The following TLCD4 variants were observed in gnomAD, a reference collection of about 807,000 sequenced individuals.
TLCD4 encodes TLC domain-containing protein 4.
A neutral mutation model predicts 24.2 loss-of-function variants in TLCD4; 7 were observed. The ratio of observed to expected loss-of-function variants is 0.29; its 90% confidence interval spans 0.16 to 0.54. The LOEUF (loss-of-function observed/expected upper bound fraction) is 0.54, where lower values mean the gene tolerates loss of function less well. TLCD4 is among the 20% of genes least tolerant of loss of function. The probability of loss-of-function intolerance (pLI) is 0.95; values close to 1 mark genes in which losing one functional copy is unlikely to be tolerated. For synonymous variants in TLCD4, 103 were observed against 106.4 expected, an observed-to-expected ratio of 0.97 and a Z score of 0.20; for missense variants, 259 against 313.9, an observed-to-expected ratio of 0.82 and a Z score of 1.32.
intron 1 of TLCD4, among the ~76,000 whole-genome samples, chr1:95,119,961 G>T (rs1209543611): frequency 2.0e-5 from 3 of 152,184 alleles, no homozygotes; most frequent in Non-Finnish European, 4.4e-5. Flanking sequence ...TGTTAAGGAA[G>T]ATAATGAATT....
upstream of TLCD4, among the ~76,000 whole-genome samples, chr1:95,113,335 C>T (rs1676374286): frequency 6.6e-6 from 1 of 152,148 alleles, no homozygotes; most frequent in Admixed American, 6.6e-5. Flanking sequence ...CATGAACCAC[C>T]ACACCTGGCC....
chr1:95,186,496 G>T (rs1283750911), intron 6 of TLCD4, among the ~76,000 whole-genome samples: 1 of 152,198 alleles, frequency 6.6e-6, no homozygotes, highest in African/African-American at 2.4e-5. Context: ...CTGATAGAGA[G>T]AGATTTGAGG....
intron 5 of TLCD4, among the ~76,000 whole-genome samples, chr1:95,159,747 A>G (rs959440330): frequency 1.3e-5 from 2 of 152,180 alleles, no homozygotes; most frequent in African/African-American, 2.4e-5. Flanking sequence ...TCCCAGCACC[A>G]TTTATTAAAT....
chr1:95,160,111 C>G (rs1276768305), intron 5 of TLCD4, among the ~76,000 whole-genome samples: 1 of 152,186 alleles, frequency 6.6e-6, no homozygotes, highest in Non-Finnish European at 1.5e-5. Context: ...TGGCCATTTT[C>G]ACGATATTGA....
intron 6 of TLCD4, among the ~76,000 whole-genome samples, chr1:95,178,580 T>C (rs2101002702): frequency 6.8e-6 from 1 of 147,866 alleles, no homozygotes; most frequent in African/African-American, 2.5e-5. Flanking sequence ...TTTTTTTTTT[T>C]TTTTTTGAGA....
chr1:95,165,337 T>A (rs1677977937), intron 5 of TLCD4: 1 of 152,256 alleles, frequency 6.6e-6, no homozygotes, highest in Non-Finnish European at 1.5e-5. Context: ...TATTGTTATG[T>A]GTTTCAGTGT....
intron 5 of TLCD4, among the ~76,000 whole-genome samples, chr1:95,168,016 C>T (rs1303452717): frequency 6.6e-6 from 1 of 152,164 alleles, no homozygotes; most frequent in Non-Finnish European, 1.5e-5. Context: ...GGGACCATCA[C>T]CCCAACAGTA....
At chr1:95,148,937 T>C (rs191849720) in intron 3 of TLCD4, 146 bp downstream of exon 3, 151 of 1,151,778 alleles carry the variant, frequency 1.3e-4, no homozygotes, top group Admixed American at 4.0e-4. Context: ...TCTAGCAAAG[T>C]GCATTTAAAT....
chr1:95,105,150 T>C, the TLCD4 span, among the ~76,000 whole-genome samples: 1 of 152,184 alleles, frequency 6.6e-6, no homozygotes, highest in South Asian at 2.1e-4. Flanking sequence ...AGTATAATTG[T>C]ACCACATATC....
intron 5 of TLCD4, among the ~76,000 whole-genome samples, chr1:95,162,602 G>C (rs953150539): frequency 3.3e-5 from 5 of 152,188 alleles, no homozygotes; most frequent in African/African-American, 1.2e-4. Flanking sequence ...AGCATCGATG[G>C]TCTTTACAAT....
intron 1 of TLCD4, among the ~76,000 whole-genome samples, chr1:95,127,592 A>G (rs1484867273): frequency 6.6e-6 from 1 of 152,238 alleles, no homozygotes; most frequent in Non-Finnish European, 1.5e-5. Flanking sequence ...GGAAGGGAAG[A>G]GCAGTGATAT....
In TLCD4 at chr1:95,161,595, G is replaced by A. The variant is rs148728783; in HGVS notation, c.399+10176G>A. 2.4e-3 allele frequency among the ~76,000 whole-genome samples: 368 copies of A among 152,232 alleles called. 1 individual carries two copies. Among genetic ancestry groups the A allele is most frequent in the African/African-American group, 8.5e-3 (352 of 41,518 alleles). ...TCTAGTTCTTTTAATTGTGATGTTAGGGTGTCAATTTTAGATCTTTCCTGC... is the reference window on the plus strand; with the variant it reads ...TCTAGTTCTTTTAATTGTGATGTTAAGGTGTCAATTTTAGATCTTTCCTGC... On this transcript the variant is annotated intron_variant, in intron 5 of 6. Transcript: ENST00000370203.
In TLCD4 at chr1:95,148,469, C is replaced by T. The variant is rs114735771; in HGVS notation, c.156-233C>T. ...AATAAGTGATTCACCAGTTCTCTAGCAGGAAATTGTAGGCCTTGGTATCTT... is the reference window on the plus strand; with the variant it reads ...AATAAGTGATTCACCAGTTCTCTAGTAGGAAATTGTAGGCCTTGGTATCTT... On this transcript the variant is annotated intron_variant, in intron 2 of 6. Transcript: ENST00000370203. Among the ~76,000 whole-genome samples the T allele has an allele frequency of 4.2e-3, 638 of 152,326 alleles. 8 individuals carry two copies. The highest frequency in any genetic ancestry group is 0.015 in the African/African-American group (609 of 41,586).
intron 1 of TLCD4, among the ~76,000 whole-genome samples, chr1:95,130,087 T>G (rs548275345): frequency 6.6e-6 from 1 of 152,218 alleles, no homozygotes; most frequent in African/African-American, 2.4e-5. Context: ...TTCTTTTAGA[T>G]GCTTAACAAT....
At chr1:95,120,247 G>C (rs759658083) in intron 1 of TLCD4, 1 of 152,216 alleles carries the variant, frequency 6.6e-6, no homozygotes, top group South Asian at 2.1e-4. Flanking sequence ...GGTATCAGGC[G>C]CTGGATGGAT....
intron 1 of TLCD4, among the ~76,000 whole-genome samples, chr1:95,136,057 T>A (rs1350692495): frequency 6.6e-6 from 1 of 152,110 alleles, no homozygotes; most frequent in Non-Finnish European, 1.5e-5. Context: ...TTTTTATTTT[T>A]TTTTAAGAAA....
upstream of TLCD4, among the ~76,000 whole-genome samples, chr1:95,113,821 G>A (rs1676382398): frequency 6.6e-6 from 1 of 152,018 alleles, no homozygotes; most frequent in Non-Finnish European, 1.5e-5. Flanking sequence ...GAGGCTAAAT[G>A]GGGAGGATTG....
At chr1:95,176,745 C>A (rs1327435050) in intron 6 of TLCD4, among the ~76,000 whole-genome samples, 1 of 152,084 alleles carries the variant, frequency 6.6e-6, no homozygotes, top group Non-Finnish European at 1.5e-5. Context: ...GAAGCCTTCC[C>A]CCTATATTTC....
chr1:95,150,000 T>A (rs1677449290), intron 3 of TLCD4, among the ~76,000 whole-genome samples: 1 of 152,126 alleles, frequency 6.6e-6, no homozygotes, highest in African/African-American at 2.4e-5. Context: ...CAGCAGTAGT[T>A]ACCTTACTGC....
Sources: gnomAD v4.1 joint callset for allele counts (sites outside exome capture counted in the v4.1 genomes callset) on GRCh38, gnomAD v4.1.1 for gene constraint, MANE v1.5 for transcripts, NCBI Gene and HGNC (gene_info 2026-07-23, HGNC 2026-07-21) for gene names.